The following DIAPH3 variants were observed in gnomAD, a reference collection of about 807,000 sequenced individuals.
The protein encoded by DIAPH3 is protein diaphanous homolog 3.
In DIAPH3, 117 loss-of-function variants were observed where a neutral mutation model predicts 144.3. The observed-to-expected ratio is 0.81, with a 90% CI of 0.70 to 0.95. The LOEUF is 0.95. Among genes scored for constraint, DIAPH3 ranks in the 40% least tolerant of loss-of-function variants. The probability of loss-of-function intolerance (pLI) is 0.00; values close to 1 mark genes in which losing one functional copy is unlikely to be tolerated. For missense variants in DIAPH3, 1,421 were observed against 1,412.7 expected (o/e 1.01, Z -0.09); for synonymous variants, 519 against 488.9 (o/e 1.06, Z -0.81).
intron 5 of DIAPH3, among the ~76,000 whole-genome samples, chr13:60,028,856 C>G (rs1481972761): frequency 6.6e-6 from 1 of 152,026 alleles, no homozygotes; most frequent in Non-Finnish European, 1.5e-5. Context: ...GTCAGGAGAT[C>G]GAGACCATCC....
At chr13:59,956,275 T>C (rs999968189) in intron 17 of DIAPH3, among the ~76,000 whole-genome samples, 2 of 152,172 alleles carry the variant, frequency 1.3e-5, no homozygotes, top group Non-Finnish European at 2.9e-5. Context: ...ACTCCCATCA[T>C]AGGCCCGGAG....
chr13:59,928,407 G>A (rs1203837948), intron 17 of DIAPH3, among the ~76,000 whole-genome samples: 1 of 151,976 alleles, frequency 6.6e-6, no homozygotes, highest in Non-Finnish European at 1.5e-5. Context: ...GGTGTGTTAT[G>A]GGAGAATTAC....
At chr13:60,036,152 T>G (rs894342379) in intron 5 of DIAPH3, among the ~76,000 whole-genome samples, 1 of 152,214 alleles carries the variant, frequency 6.6e-6, no homozygotes, top group Non-Finnish European at 1.5e-5. Flanking sequence ...GAGATTAATG[T>G]CCAATCATCC....
At chr13:59,964,418 A>T (rs773681032) in intron 17 of DIAPH3, among the ~76,000 whole-genome samples, 3 of 152,064 alleles carry the variant, frequency 2.0e-5, no homozygotes, top group Non-Finnish European at 4.4e-5. Context: ...TGTTTGTAAC[A>T]TCTGTACAGT....
At chr13:60,121,867 A>C (rs2058854129) in intron 2 of DIAPH3, among the ~76,000 whole-genome samples, 1 of 152,182 alleles carries the variant, frequency 6.6e-6, no homozygotes, top group African/African-American at 2.4e-5. Flanking sequence ...AAACCAAAGC[A>C]TGTGGACTAC....
intron 17 of DIAPH3, among the ~76,000 whole-genome samples, chr13:59,930,113 G>C (rs2047952710): frequency 6.6e-6 from 1 of 152,050 alleles, no homozygotes; most frequent in Non-Finnish European, 1.5e-5. Flanking sequence ...AAGGACATTT[G>C]TACTCCTAGG....
At chr13:60,078,096 A>C (rs1274543680) in intron 4 of DIAPH3, among the ~76,000 whole-genome samples, 1 of 152,116 alleles carries the variant, frequency 6.6e-6, no homozygotes, top group Non-Finnish European at 1.5e-5. Flanking sequence ...CAAGATCCCC[A>C]TCAATGTGAA....
chr13:59,980,342 A>G (rs1040963778), intron 14 of DIAPH3, among the ~76,000 whole-genome samples: 5 of 151,548 alleles, frequency 3.3e-5, no homozygotes, highest in Admixed American at 3.3e-4. Context: ...GCTTAATATC[A>G]TTTCTTGAGA....
chr13:59,768,592 G>A (rs1593799601), intron 27 of DIAPH3, among the ~76,000 whole-genome samples: 4 of 151,942 alleles, frequency 2.6e-5, no homozygotes, highest in African/African-American at 9.7e-5. Flanking sequence ...ATGGGGGAGG[G>A]GTGGCTATAT....
intron 25 of DIAPH3, among the ~76,000 whole-genome samples, chr13:59,778,457 C>T (rs114232387): frequency 0.045 from 6,876 of 152,192 alleles, 233 homozygotes; most frequent in Admixed American, 0.11. Flanking sequence ...TATATGTTGA[C>T]TAAATTAGCT....
intron 9 of DIAPH3, 33 bp downstream of exon 9, chr13:60,008,511 T>TA (rs773447397): frequency 8.9e-6 from 13 of 1,462,704 alleles, no homozygotes; most frequent in Non-Finnish European, 1.2e-5. Context: ...ATATGCCATT[T>TA]AAAAACAGAT....
intron 18 of DIAPH3, among the ~76,000 whole-genome samples, chr13:59,924,230 C>G (rs931825917): frequency 2.0e-5 from 3 of 152,180 alleles, no homozygotes; most frequent in African/African-American, 7.2e-5. Flanking sequence ...TAATTTAATA[C>G]TGAGTATTTA....
At chr13:59,949,639 T>C (rs2048996964) in intron 17 of DIAPH3, among the ~76,000 whole-genome samples, 1 of 152,144 alleles carries the variant, frequency 6.6e-6, no homozygotes, top group Non-Finnish European at 1.5e-5. Context: ...CACACTGCAA[T>C]AGCACAGCTG....
chr13:60,159,381 T>C (rs1952179455), intron 1 of DIAPH3, among the ~76,000 whole-genome samples: 1 of 152,072 alleles, frequency 6.6e-6, no homozygotes, highest in Non-Finnish European at 1.5e-5. Flanking sequence ...ATCCCAGCAC[T>C]TTGGGAGGCC....
At chr13:60,041,112 TTTTTAAA>T (rs1365380261) in intron 5 of DIAPH3, among the ~76,000 whole-genome samples, 4 of 31,578 alleles carry the variant, frequency 1.3e-4, no homozygotes, top group Admixed American at 8.2e-4. Flanking sequence ...GTAATATATA[TTTTTAAA>T]TGAACCTGGA....
At chr13:59,742,251 A>G (rs2036491593) in intron 27 of DIAPH3, among the ~76,000 whole-genome samples, 1 of 152,210 alleles carries the variant, frequency 6.6e-6, no homozygotes, top group African/African-American at 2.4e-5. Flanking sequence ...GAGGGGACAC[A>G]GCCAAATCAC....
At chr13:59,801,245 C>T (rs983791930) in intron 25 of DIAPH3, among the ~76,000 whole-genome samples, 6 of 152,164 alleles carry the variant, frequency 3.9e-5, no homozygotes, top group Non-Finnish European at 7.4e-5. Flanking sequence ...AAACAATCTT[C>T]TTGACTTTGT....
chr13:59,868,413 CTT>C (rs1440699677), intron 21 of DIAPH3, among the ~76,000 whole-genome samples: 1 of 151,968 alleles, frequency 6.6e-6, no homozygotes, highest in Non-Finnish European at 1.5e-5. Context: ...ATATTTTAGA[CTT>C]TATATTTTAG....
intron 27 of DIAPH3, among the ~76,000 whole-genome samples, chr13:59,687,041 A>T (rs1445089162): frequency 6.6e-6 from 1 of 152,140 alleles, no homozygotes; most frequent in Non-Finnish European, 1.5e-5. Context: ...AGTCTAGACC[A>T]AGAGGCAATA....
Sources: allele counts gnomAD v4.1 joint callset (sites outside exome capture counted in the v4.1 genomes callset), GRCh38; gene constraint gnomAD v4.1.1; transcripts MANE v1.5; gene names NCBI Gene and HGNC (gene_info 2026-07-23, HGNC 2026-07-21).